Variants in WDHD1 observed in about 807,000 individuals in gnomAD.
WDHD1 encodes WD repeat and HMG-box DNA binding protein 1, also known as WD repeat and HMG-box DNA-binding protein 1.
A neutral mutation model predicts 135.4 loss-of-function variants in WDHD1; 111 were observed. That is an observed-to-expected ratio of 0.82 (90% confidence interval 0.70 to 0.96). The LOEUF is 0.96. Among genes scored for constraint, WDHD1 ranks in the 40% least tolerant of loss-of-function variants. The pLI is 0.00. For missense variants in WDHD1, 1,351 were observed against 1,336.3 expected (o/e 1.01, Z -0.17); for synonymous variants, 434 against 439.0 (o/e 0.99, Z 0.14).
At chr14:54,997,089 CTTTT>C (rs71131246) in intron 10 of WDHD1, among the ~76,000 whole-genome samples, 4 of 41,200 alleles carry the variant, frequency 9.7e-5, no homozygotes, top group African/African-American at 2.4e-4. Context: ...AGCGCCCAGC[CTTTT>C]TTTTTTTTTT....
At chr14:54,976,744 T>A (rs1050127139) in intron 16 of WDHD1, among the ~76,000 whole-genome samples, 5 of 151,090 alleles carry the variant, frequency 3.3e-5, no homozygotes, top group Admixed American at 1.3e-4. Flanking sequence ...AAAAAATAAA[T>A]AATAAATAAT....
intron 24 of WDHD1, among the ~76,000 whole-genome samples, chr14:54,953,592 T>C (rs964000753): frequency 6.6e-6 from 1 of 152,208 alleles, no homozygotes; most frequent in African/African-American, 2.4e-5. Context: ...GAACTAGAAA[T>C]ACCATTTGAC....
chr14:55,000,551 C>A lies in WDHD1; in HGVS notation c.894G>T (p.Gly298=), dbSNP rs1458161629. The change falls in exon 10 of 26, where the codon GGG becomes GGT. Residue 298 remains glycine (G), a synonymous_variant. Transcript: ENST00000360586. ...TGGGGTCACAAACATTCTCTAGAAG[C>A]CCTAGATTTCCTTCCGCATCAGTAT... ...ISYTDAEGNL[G]LLENVCDPSG... 1.2e-6 allele frequency: 2 copies of A among 1,608,342 alleles called. No individual in the cohort carries two copies. The highest frequency in any genetic ancestry group is 1.7e-6 in the Non-Finnish European group (2 of 1,177,072).
In WDHD1 at chr14:54,955,553, G is replaced by A; in HGVS notation, c.3050+8C>T. The A allele has an allele frequency of 6.4e-7, 1 of 1,554,526 alleles. No homozygotes were observed. On this transcript the variant is annotated splice_region_variant and intron_variant, in intron 24 of 25. Coordinates refer to ENST00000360586, the MANE Select transcript of WDHD1 (RefSeq NM_007086.4). The stretch of plus-strand genomic sequence containing the variant: ...GTCACTGCATGCTAAATTTCTCTAT[G>A]TACTGACCTTTGGTTTTCAGTGTTT...
At chr14:54,980,805 A>T (rs1454403808) in intron 16 of WDHD1, among the ~76,000 whole-genome samples, 19 of 144,922 alleles carry the variant, frequency 1.3e-4, no homozygotes, top group Non-Finnish European at 2.6e-4. Flanking sequence ...CTCCACATAA[A>T]AAAAAAAAAA....
At chr14:54,945,512 G>T (rs190227848) in intron 24 of WDHD1, among the ~76,000 whole-genome samples, 2 of 152,252 alleles carry the variant, frequency 1.3e-5, no homozygotes, top group Admixed American at 1.3e-4. Context: ...TCAGACCTGG[G>T]ATCCAACAAC....
intron 21 of WDHD1, among the ~76,000 whole-genome samples, chr14:54,960,051 C>T (rs2041226104): frequency 6.6e-6 from 1 of 152,174 alleles, no homozygotes; most frequent in Admixed American, 6.6e-5. Flanking sequence ...AACTCCTACA[C>T]TCTCTTCATC....
At chr14:55,001,419 C>T (rs752001321) in intron 8 of WDHD1, among the ~76,000 whole-genome samples, 1 of 152,146 alleles carries the variant, frequency 6.6e-6, no homozygotes, top group Non-Finnish European at 1.5e-5. Flanking sequence ...CACCACCACA[C>T]ATGGCTAATT....
intron 16 of WDHD1, among the ~76,000 whole-genome samples, chr14:54,977,718 C>G (rs1444331685): frequency 6.6e-6 from 1 of 152,070 alleles, no homozygotes; most frequent in Non-Finnish European, 1.5e-5. Context: ...ATGTCAGGAG[C>G]TACTAGTATA....
intron 18 of WDHD1, among the ~76,000 whole-genome samples, chr14:54,964,576 T>C (rs1279183108): frequency 3.3e-5 from 5 of 151,848 alleles, no homozygotes; most frequent in Non-Finnish European, 7.4e-5. Flanking sequence ...GAGGCGGAGC[T>C]TGCAGTGAGC....
At position 54,957,618 on chromosome 14, in the gene WDHD1, T is replaced by C; in HGVS notation, c.2719A>G (p.Ser907Gly). 6.2e-7 allele frequency: 1 copy of C among 1,608,324 alleles called. No homozygotes were observed. Among genetic ancestry groups the C allele is most frequent in the Non-Finnish European group, 8.5e-7 (1 of 1,178,630 alleles). The change falls in exon 22 of 26, where the codon AGC (serine) becomes GGC (glycine). Residue 907 changes from serine to glycine, a missense_variant. Ser to Gly is a moderately conservative substitution (Grantham distance 56, BLOSUM62 0). Transcript: ENST00000360586. ...SAKSGAVTFS[S>G]QGRVNPFKVS... ...TTAAAGGGATTTACTCGTCCTTGGC[T>C]GCTAAAGGTAACTGCACCTTTCACA...
At position 54,951,608 on chromosome 14, in the gene WDHD1, C is replaced by T. The variant is rs1483530394; in HGVS notation, c.3050+3953G>A. ...TGTTACCATTCCTTCTGAAACTATT[C>T]CAATCAATAGAAAAAGAGGGAATCC... On this transcript the variant is annotated intron_variant, in intron 24 of 25. Transcript: ENST00000360586. 2.0e-5 allele frequency among the ~76,000 whole-genome samples: 3 copies of T among 152,136 alleles called. No individual in the cohort carries two copies. The South Asian group carries it at 6.2e-4, about 31-fold the overall frequency.
chr14:55,000,994 T>G lies in WDHD1; in HGVS notation c.694-2A>C, dbSNP rs199851207. ...AGACCAGGTTACTATATTGAGGGTC[T>G]GTAAAGAAAAACAGTTAATAAATAA... On this transcript the variant is annotated splice_acceptor_variant, in intron 8 of 25. Transcript: ENST00000360586. LOFTEE classifies it high-confidence loss of function. The G allele has an allele frequency of 8.4e-5, 127 of 1,517,504 alleles. No individual in the cohort carries two copies. The highest frequency in any genetic ancestry group is 6.2e-6 in the Non-Finnish European group (7 of 1,128,008). 94.0% of individuals were successfully genotyped at this position (1,517,504 alleles called of 1,614,324 possible). A position where few individuals can be genotyped will look rare whatever the true frequency, so the allele number is the denominator to read the frequency against.
At chr14:54,947,724 T>G (rs2040952841) in intron 24 of WDHD1, among the ~76,000 whole-genome samples, 1 of 151,862 alleles carries the variant, frequency 6.6e-6, no homozygotes, top group African/African-American at 2.4e-5. Context: ...CCCAAGTAGC[T>G]GGGATTACAG....
intron 2 of WDHD1, among the ~76,000 whole-genome samples, chr14:55,022,563 T>C (rs2042366729): frequency 1.3e-5 from 2 of 151,976 alleles, no homozygotes; most frequent in Admixed American, 6.6e-5. Context: ...ATGCCTGTAA[T>C]CCCAGCTACT....
intron 21 of WDHD1, among the ~76,000 whole-genome samples, chr14:54,958,035 A>G (rs922769601): frequency 1.3e-5 from 2 of 152,004 alleles, no homozygotes; most frequent in African/African-American, 4.8e-5. Context: ...ATTGGCCCCT[A>G]AAGTCTCCCA....
Position 54,955,613 on chromosome 14 carries a change from C to T in WDHD1, c.2998G>A (p.Val1000Ile), listed in dbSNP as rs757043605. The T allele has an allele frequency of 9.4e-6, 15 of 1,594,192 alleles. No individual in the cohort carries two copies. The highest frequency in any genetic ancestry group is 2.7e-5 in the African/African-American group (2 of 73,390). Residue 1000 changes from valine to isoleucine, a missense_variant, in exon 24 of 26, where the codon GTA becomes ATA. Around this residue, in one of 2 missense-constraint regions of WDHD1, gnomAD observed 1,330 missense variants for 1,296.1 expected, o/e 1.03. Coordinates refer to ENST00000360586, the MANE Select transcript of WDHD1 (RefSeq NM_007086.4). ...CATATAGCTGGGGTTTCAGATAATA[C>T]ATTTTTAAGATTTTCTTCTTTCACT... Reference protein sequence around the residue: ...EEVKEENLKNVLSETPAICPP... With the variant: ...EEVKEENLKNILSETPAICPP...
rs2041869735 is a variant in WDHD1 at position 54,995,830 on chromosome 14, C to A, written c.943-17G>T. 3 of 1,496,242 alleles carry A rather than the reference C, an allele frequency of 2.0e-6. No individual in the cohort carries two copies. The highest frequency in any genetic ancestry group is 2.7e-6 in the Non-Finnish European group (3 of 1,118,068). 92.7% of individuals were successfully genotyped at this position (1,496,242 alleles called of 1,614,324 possible). On this transcript the variant is annotated splice_polypyrimidine_tract_variant and intron_variant, in intron 10 of 25. Transcript: ENST00000360586. ...GCTAGATACCTTGAACAAATTAATA[C>A]AAATTATAAAGTAAAAGTGAATGAT...
intron 10 of WDHD1, among the ~76,000 whole-genome samples, chr14:54,998,178 C>G (rs930103975): frequency 6.6e-6 from 1 of 151,148 alleles, no homozygotes; most frequent in Non-Finnish European, 1.5e-5. Context: ...GCACTCCAGC[C>G]TGGGCAACAG....
Sources: allele counts gnomAD v4.1 joint callset (sites outside exome capture counted in the v4.1 genomes callset), GRCh38; gene constraint gnomAD v4.1.1; regional missense constraint gnomAD v4.1.1; transcripts MANE v1.5; gene names NCBI Gene and HGNC (gene_info 2026-07-23, HGNC 2026-07-21).